Variants in KLF12 observed in about 807,000 individuals in gnomAD.
KLF12 encodes the protein Krueppel-like factor 12.
In KLF12, 9 loss-of-function variants were observed where a neutral mutation model predicts 37.8. The ratio of observed to expected loss-of-function variants is 0.24; its 90% CI spans 0.14 to 0.42. The LOEUF is 0.42. Among genes scored for constraint, KLF12 ranks in the 10% least tolerant of loss-of-function variants. KLF12 has a pLI of 1.00. For missense variants in KLF12, 411 were observed against 516.0 expected, an observed-to-expected ratio of 0.80 and a Z score of 1.97; for synonymous variants, 208 against 202.1, an observed-to-expected ratio of 1.03 and a Z score of -0.25.
At chr13:74,146,560 C>G in the KLF12 span, among the ~76,000 whole-genome samples, 16 of 152,290 alleles carry the variant, frequency 1.1e-4, no homozygotes, top group Admixed American at 4.6e-4. Context: ...CCAAATCTAT[C>G]TGTCTAATAT....
At chr13:73,885,775 AGAGAATACGTTGAAGG>A (rs1887191208) in intron 3 of KLF12, among the ~76,000 whole-genome samples, 1 of 152,226 alleles carries the variant, frequency 6.6e-6, no homozygotes, top group African/African-American at 2.4e-5. Context: ...CCTGGTACAC[AGAGAATACGTTGAAGG>A]GAGTGACAGC....
At chr13:73,802,596 A>G (rs1380596106) in intron 5 of KLF12, among the ~76,000 whole-genome samples, 3 of 152,252 alleles carry the variant, frequency 2.0e-5, no homozygotes, top group South Asian at 2.1e-4. Flanking sequence ...CATAGTACCC[A>G]AGAGTTAATT....
rs189222894 is a variant in KLF12, at chr13:73,775,421, A to C, written c.807-10421T>G. The stretch of plus-strand genomic sequence containing the variant: ...TTTTGGGGAAATTTAGATTATGTGT[A>C]CAGAGAAATACAACCTATATCATGG... On this transcript the variant is annotated intron_variant, in intron 5 of 7. Coordinates refer to ENST00000377669, the MANE Select transcript of KLF12 (RefSeq NM_007249.5). Among the ~76,000 whole-genome samples the C allele has an allele frequency of 1.3e-3, 191 of 152,322 alleles. 1 individual carries two copies. The highest frequency in any genetic ancestry group is 4.3e-3 in the African/African-American group (179 of 41,578).
chr13:73,919,142 A>C (rs1339768486), intron 3 of KLF12, among the ~76,000 whole-genome samples: 1 of 152,194 alleles, frequency 6.6e-6, no homozygotes. Flanking sequence ...AGATACTTAA[A>C]GATTATTTTT....
At chr13:73,759,592 T>C (rs1879415203) in intron 6 of KLF12, among the ~76,000 whole-genome samples, 1 of 152,198 alleles carries the variant, frequency 6.6e-6, no homozygotes, top group Non-Finnish European at 1.5e-5. Flanking sequence ...TTCACATTTC[T>C]CTTGCTCTCT....
intron 5 of KLF12, among the ~76,000 whole-genome samples, chr13:73,765,653 T>C (rs1029708166): frequency 3.3e-5 from 5 of 152,196 alleles, no homozygotes; most frequent in Admixed American, 2.6e-4. Flanking sequence ...ATTGGACTTA[T>C]CCACTGGAAA....
At chr13:73,895,706 G>T (rs964947389) in intron 3 of KLF12, among the ~76,000 whole-genome samples, 2 of 152,102 alleles carry the variant, frequency 1.3e-5, no homozygotes, top group African/African-American at 4.8e-5. Flanking sequence ...AGGCTGACCT[G>T]ACTGAGATGG....
rs765906138 is a variant in KLF12 at position 74,067,185 on chromosome 13, T to A, written c.-32+66554A>T. On this transcript the variant is annotated intron_variant, in intron 1 of 7. Transcript: ENST00000377669. ...AGTATTCCAAAGAAAATAAAAAATG[T>A]TGCTTAACAAGATACAACCCTTGAA... Among the ~76,000 whole-genome samples the A allele has an allele frequency of 4.6e-5, 7 of 152,300 alleles. No individual in the cohort carries two copies. The Middle Eastern group carries it at 0.014, about 296-fold the overall frequency.
chr13:73,811,230 C>T (rs1390777530), intron 5 of KLF12, among the ~76,000 whole-genome samples: 2 of 151,914 alleles, frequency 1.3e-5, no homozygotes, highest in South Asian at 2.1e-4. Flanking sequence ...ATGATCAGCC[C>T]ACCTTGGTCT....
chr13:74,270,351 C>T, the KLF12 span, among the ~76,000 whole-genome samples: 18 of 152,170 alleles, frequency 1.2e-4, no homozygotes, highest in Non-Finnish European at 2.2e-4. Context: ...GGCCAACCTC[C>T]TAACCTCCAG....
Position 73,688,815 on chromosome 13 carries a change from A to C in KLF12, c.*6675T>G, listed in dbSNP as rs1475994173. 1 of 152,128 alleles carries C rather than the reference A, an allele frequency of 6.6e-6. No individual in the cohort carries two copies. Among genetic ancestry groups the C allele is most frequent in the African/African-American group, 2.4e-5 (1 of 41,432 alleles). The allele number at this position is 152,128 out of a possible 1,614,324, so 9.4% of individuals were successfully genotyped here. The stretch of plus-strand genomic sequence containing the variant: ...CATAATAAAATTACTGAGAGTCAGG[A>C]ATCTGGGAAGGTGGTTTCGGGACAC... On this transcript the variant is annotated 3_prime_UTR_variant, in exon 8 of 8. Coordinates refer to ENST00000377669, the MANE Select transcript of KLF12 (RefSeq NM_007249.5).
At chr13:74,108,029 A>T (rs1353609330) in intron 1 of KLF12, among the ~76,000 whole-genome samples, 4 of 152,174 alleles carry the variant, frequency 2.6e-5, no homozygotes, top group African/African-American at 9.7e-5. Flanking sequence ...TTTTCAATGT[A>T]CTATTAAGTC....
At chr13:73,945,164 A>G (rs1181900161) in intron 2 of KLF12, among the ~76,000 whole-genome samples, 1 of 152,200 alleles carries the variant, frequency 6.6e-6, no homozygotes, top group Admixed American at 6.5e-5. Context: ...CCTACAAAAT[A>G]GCAGGTTAAA....
At chr13:74,287,389 A>AGAGAGAGAGAGAGAGAGAGAGAGG in the KLF12 span, among the ~76,000 whole-genome samples, 4 of 150,762 alleles carry the variant, frequency 2.7e-5, no homozygotes, top group African/African-American at 9.9e-5. Context: ...AGAGAGAGAG[A>AGAGAGAGAGAGAGAGAGAGAGAGG]GAGAGAATCC....
intron 2 of KLF12, among the ~76,000 whole-genome samples, chr13:73,967,378 C>A (rs925742714): frequency 3.3e-5 from 5 of 152,136 alleles, no homozygotes; most frequent in Non-Finnish European, 2.9e-5. Flanking sequence ...GTATTCAACG[C>A]CAGAAGAATA....
intron 1 of KLF12, among the ~76,000 whole-genome samples, chr13:74,050,790 A>T (rs906651302): frequency 1.4e-4 from 21 of 152,350 alleles, no homozygotes; most frequent in Non-Finnish European, 2.6e-4. Flanking sequence ...CAACCTACAG[A>T]ATGAGAGATA....
intron 3 of KLF12, among the ~76,000 whole-genome samples, chr13:73,907,024 G>T (rs1031745341): frequency 2.6e-5 from 4 of 152,064 alleles, no homozygotes; most frequent in African/African-American, 9.7e-5. Context: ...TTCTATTTTG[G>T]TAAGGGGGAC....
At chr13:74,152,999 A>G in the KLF12 span, among the ~76,000 whole-genome samples, 1 of 151,894 alleles carries the variant, frequency 6.6e-6, no homozygotes, top group Non-Finnish European at 1.5e-5. Flanking sequence ...AAATGTAGAA[A>G]GGTATAATAA....
intron 1 of KLF12, among the ~76,000 whole-genome samples, chr13:74,092,824 C>G (rs1875754173): frequency 6.6e-6 from 1 of 152,050 alleles, no homozygotes; most frequent in Non-Finnish European, 1.5e-5. Flanking sequence ...AAATAGCCAA[C>G]AAGGACATAA....
Sources: allele counts gnomAD v4.1 joint callset (sites outside exome capture counted in the v4.1 genomes callset), GRCh38; gene constraint gnomAD v4.1.1; transcripts MANE v1.5; gene names NCBI Gene and HGNC (gene_info 2026-07-23, HGNC 2026-07-21).